PID1: variants seen among roughly 807,000 people sequenced by gnomAD.
PID1 encodes phosphotyrosine interaction domain containing 1.
In PID1, 10 loss-of-function variants were observed where a neutral mutation model predicts 19.1. The ratio of observed to expected loss-of-function variants is 0.52; its 90% CI spans 0.32 to 0.89. The LOEUF is 0.89. Ranked by LOEUF, PID1 falls within the 40% of genes least tolerant of loss-of-function variation. PID1 has a pLI of 0.03. For missense variants in PID1, 248 were observed against 285.3 expected (o/e 0.87, Z 0.94); for synonymous variants, 130 against 116.0 (o/e 1.12, Z -0.78).
intron 2 of PID1, among the ~76,000 whole-genome samples, chr2:229,089,799 A>T (rs897532772): frequency 3.9e-5 from 6 of 152,204 alleles, no homozygotes; most frequent in Non-Finnish European, 5.9e-5. Context: ...CTGTTTCACC[A>T]GCTGGAAAAT....
intron 1 of PID1, among the ~76,000 whole-genome samples, chr2:229,268,183 A>AC (rs1439635222): frequency 6.6e-6 from 1 of 152,244 alleles, no homozygotes; most frequent in African/African-American, 2.4e-5. Flanking sequence ...TCAGGGCAAT[A>AC]GGTCCCTTTG....
At chr2:229,085,515 T>C (rs1267866134) in intron 2 of PID1, among the ~76,000 whole-genome samples, 3 of 152,208 alleles carry the variant, frequency 2.0e-5, no homozygotes, top group East Asian at 1.9e-4. Context: ...GCTAATTAAT[T>C]GTGAAATTCA....
chr2:229,147,028 G>C (rs1039104919), intron 2 of PID1, among the ~76,000 whole-genome samples: 1 of 152,116 alleles, frequency 6.6e-6, no homozygotes, highest in Non-Finnish European at 1.5e-5. Flanking sequence ...GTTGTTTTAA[G>C]CCACTAATTT....
At chr2:229,058,803 T>C (rs1013373210) in intron 2 of PID1, among the ~76,000 whole-genome samples, 1 of 150,614 alleles carries the variant, frequency 6.6e-6, no homozygotes, top group Admixed American at 6.6e-5. Flanking sequence ...TTGTAACATG[T>C]CCTTGAGGTA....
chr2:229,046,020 C>A (rs936192407), intron 2 of PID1, among the ~76,000 whole-genome samples: 2 of 152,166 alleles, frequency 1.3e-5, no homozygotes, highest in African/African-American at 4.8e-5. Context: ...TCTCTGACCA[C>A]CATCGTTCTG....
chr2:229,066,063 C>T (rs1694319298), intron 2 of PID1, among the ~76,000 whole-genome samples: 1 of 151,918 alleles, frequency 6.6e-6, no homozygotes, highest in Non-Finnish European at 1.5e-5. Context: ...AACATGAATA[C>T]AAAACTATGT....
chr2:229,024,993 T>C lies in PID1; in HGVS notation c.*639A>G, dbSNP rs1174985627. On this transcript the variant is annotated 3_prime_UTR_variant, in exon 3 of 3. Coordinates refer to ENST00000392055, the MANE Select transcript of PID1 (RefSeq NM_001100818.2). The stretch of plus-strand genomic sequence containing the variant: ...ATTGCAAGTATTCTAAGAAAATAGA[T>C]GAAGTGAATACAATAAGAGGGTACT... The C allele has an allele frequency of 6.5e-6, 1 of 152,824 alleles. No individual in the cohort carries two copies. The highest frequency in any genetic ancestry group is 1.5e-5 in the Non-Finnish European group (1 of 68,226). 9.5% of individuals were successfully genotyped at this position (152,824 alleles called of 1,614,324 possible).
intron 1 of PID1, among the ~76,000 whole-genome samples, chr2:229,188,404 G>C (rs926332422): frequency 5.9e-5 from 9 of 152,032 alleles, no homozygotes; most frequent in African/African-American, 2.2e-4. Context: ...AGAGTGACTG[G>C]TGGAAGGAAG....
At chr2:229,219,857 T>C (rs1287764879) in intron 1 of PID1, among the ~76,000 whole-genome samples, 1 of 151,754 alleles carries the variant, frequency 6.6e-6, no homozygotes, top group African/African-American at 2.4e-5. Context: ...TTGTCATTGT[T>C]GTAGATAAGG....
chr2:229,245,499 T>G (rs1379123235), intron 1 of PID1, among the ~76,000 whole-genome samples: 1 of 152,172 alleles, frequency 6.6e-6, no homozygotes, highest in Non-Finnish European at 1.5e-5. Flanking sequence ...CAGAATAGAT[T>G]TGTGCACATT....
chr2:229,032,936 C>T (rs1349559141), intron 2 of PID1, among the ~76,000 whole-genome samples: 1 of 152,162 alleles, frequency 6.6e-6, no homozygotes, highest in Non-Finnish European at 1.5e-5. Context: ...TTAACAGCGT[C>T]GGATCAGGAG....
intron 1 of PID1, among the ~76,000 whole-genome samples, chr2:229,240,114 C>T (rs534560426): frequency 1.2e-4 from 18 of 152,172 alleles, no homozygotes; most frequent in African/African-American, 2.6e-4. Context: ...GTAGGTAAAA[C>T]GTCACATTTT....
chr2:229,201,238 T>C (rs145692750), intron 1 of PID1, among the ~76,000 whole-genome samples: 3 of 152,228 alleles, frequency 2.0e-5, no homozygotes, highest in South Asian at 4.1e-4. Flanking sequence ...ACTGTTCATC[T>C]TCCCAAACTG....
chr2:229,070,877 G>C (rs1426587011), intron 2 of PID1, among the ~76,000 whole-genome samples: 1 of 152,178 alleles, frequency 6.6e-6, no homozygotes, highest in Non-Finnish European at 1.5e-5. Context: ...AGACTTAAAA[G>C]TTATGAATGA....
intron 1 of PID1, among the ~76,000 whole-genome samples, chr2:229,216,835 A>G (rs564123235): frequency 5.3e-5 from 8 of 152,272 alleles, no homozygotes; most frequent in African/African-American, 1.7e-4. Context: ...AATTTTCAAA[A>G]TTCTCTCCTG....
chr2:229,145,288 T>G (rs1169335288), intron 2 of PID1, among the ~76,000 whole-genome samples: 2 of 150,644 alleles, frequency 1.3e-5, no homozygotes, highest in African/African-American at 2.4e-5. Context: ...CTTTGGAGAG[T>G]CTCTAAGAAG....
chr2:229,033,772 G>T (rs1190070743), intron 2 of PID1, among the ~76,000 whole-genome samples: 1 of 152,196 alleles, frequency 6.6e-6, no homozygotes, highest in Non-Finnish European at 1.5e-5. Context: ...TAGGAAAAGA[G>T]AATGGAGGAA....
intron 1 of PID1, among the ~76,000 whole-genome samples, chr2:229,247,745 TA>T (rs1337334518): frequency 1.3e-5 from 2 of 152,200 alleles, no homozygotes; most frequent in African/African-American, 4.8e-5. Context: ...CACCACTCCC[TA>T]AAACAACTAG....
chr2:229,053,844 G>A (rs1474488886), intron 2 of PID1, among the ~76,000 whole-genome samples: 1 of 152,180 alleles, frequency 6.6e-6, no homozygotes, highest in Non-Finnish European at 1.5e-5. Context: ...AGCCCAATCA[G>A]TCAAGACAGA....
Sources: gnomAD v4.1 joint callset for allele counts (sites outside exome capture counted in the v4.1 genomes callset) on GRCh38, gnomAD v4.1.1 for gene constraint, MANE v1.5 for transcripts, NCBI Gene and HGNC (gene_info 2026-07-23, HGNC 2026-07-21) for gene names.